Variants in IFT140 observed in about 807,000 individuals in gnomAD.
The protein encoded by IFT140 is intraflagellar transport protein 140 homolog.
A neutral mutation model predicts 164.6 loss-of-function variants in IFT140; 133 were observed. The ratio of observed to expected loss-of-function variants is 0.81; its 90% CI spans 0.70 to 0.93. IFT140 has a LOEUF of 0.93. Ranked by LOEUF, IFT140 falls within the 40% of genes least tolerant of loss-of-function variation. The pLI, the probability that IFT140 is intolerant of heterozygous loss-of-function variation, is 0.00. For synonymous variants in IFT140, 860 were observed against 817.3 expected, an observed-to-expected ratio of 1.05 and a Z score of -0.89; for missense variants, 2,045 against 1,972.3, an observed-to-expected ratio of 1.04 and a Z score of -0.70.
chr16:1,554,959 T>C (rs958205241), intron 19 of IFT140: 1 of 1,614,094 alleles, frequency 6.2e-7, no homozygotes, highest in Non-Finnish European at 8.5e-7. Flanking sequence ...GTGATTGTCA[T>C]CAGCCGCTCC....
chr16:1,552,254 G>C (rs1005508118), intron 19 of IFT140, among the ~76,000 whole-genome samples: 1 of 152,098 alleles, frequency 6.6e-6, no homozygotes, highest in African/African-American at 2.4e-5. Flanking sequence ...ACCTCCTCCC[G>C]CCCTCGAGGG....
intron 19 of IFT140, chr16:1,542,153 C>T: frequency 7.0e-7 from 1 of 1,425,100 alleles, no homozygotes; most frequent in Non-Finnish European, 9.2e-7. Flanking sequence ...GTCCTGAGGC[C>T]TTGGGTGGCC....
At chr16:1,586,644 C>T (rs2034899087) in intron 9 of IFT140, among the ~76,000 whole-genome samples, 1 of 152,248 alleles carries the variant, frequency 6.6e-6, no homozygotes, top group Admixed American at 6.5e-5. Flanking sequence ...CACACACACA[C>T]ACACACTTCC....
chr16:1,516,169 A>AC (rs2040336027), intron 30 of IFT140, among the ~76,000 whole-genome samples: 1 of 124,266 alleles, frequency 8.0e-6, no homozygotes, highest in Non-Finnish European at 1.7e-5. Flanking sequence ...AAAAAAAAAA[A>AC]AAAAAAAAAC....
In IFT140 at chr16:1,520,792, T is replaced by A. The variant is rs772423904; in HGVS notation, c.3470A>T (p.Gln1157Leu). 2 of 1,604,440 alleles carry A rather than the reference T, an allele frequency of 1.2e-6. No homozygotes were observed. The highest frequency in any genetic ancestry group is 1.1e-5 in the South Asian group (1 of 90,998). Residue 1157 changes from glutamine to leucine, a missense_variant, in exon 27 of 31, where the codon CAG (glutamine) becomes CTG (leucine). By Grantham distance (113) the Gln-to-Leu change is moderately radical (BLOSUM62 -2). Transcript: ENST00000426508. The part of the protein sequence containing the change: ...LAARKYQEAL[Q>L]LCLGQNMSIT... ...GCTCATGTTCTGCCCCAGGCACAGC[T>A]GCAGGGCTTCCTGATACTGCAAAGG...
chr16:1,555,271 G>A (rs1411227696), intron 19 of IFT140: 14 of 513,508 alleles, frequency 2.7e-5, no homozygotes, highest in Admixed American at 1.1e-4. Context: ...GCGGCTCCAC[G>A]ACCACACGCA....
chr16:1,600,400 C>T (rs1399637090), intron 4 of IFT140, among the ~76,000 whole-genome samples: 1 of 145,346 alleles, frequency 6.9e-6, no homozygotes, highest in Non-Finnish European at 1.5e-5. Flanking sequence ...ACTATTGTCC[C>T]ATGACCCTGC....
intron 24 of IFT140, 144 bp from the exon 25 acceptor site, chr16:1,524,100 G>A: frequency 9.5e-7 from 1 of 1,056,786 alleles, no homozygotes; most frequent in Non-Finnish European, 1.3e-6. Flanking sequence ...GTTTTAAGGA[G>A]CTGATGACTT....
intron 11 of IFT140, 125 bp from the exon 12 acceptor site, chr16:1,583,511 A>C: frequency 1.4e-6 from 1 of 699,326 alleles, no homozygotes; most frequent in Non-Finnish European, 2.5e-6. Context: ...TCATCCTACG[A>C]CTATGAGATC....
rs534052238 is a variant in IFT140 at position 1,564,119 on chromosome 16, C to G, written c.1945G>C (p.Val649Leu). The G allele has an allele frequency of 3.8e-6, 6 of 1,591,486 alleles. No homozygotes were observed. The highest frequency in any genetic ancestry group is 4.3e-6 in the Non-Finnish European group (5 of 1,163,012). The change falls in exon 17 of 31, where the codon GTG (valine) becomes CTG (leucine). Residue 649 changes from valine (V) to leucine (L), a missense_variant. Physicochemically the swap from Val to Leu is conservative, Grantham distance 32. Transcript: ENST00000426508. This position sits in a 1 kb window ranked among gnomAD's most constrained non-coding sequence, Gnocchi z 5.5. ...TCACTCTGGTCCCAGAAGTGGTTCA[C>G]GGGAACATAATTTTTCAGTCCCTCA... ...VDEGLKNYVP[V>L]NHFWDQSEPR...
chr16:1,539,955 A>G (rs2031471355), intron 19 of IFT140, among the ~76,000 whole-genome samples: 2 of 152,120 alleles, frequency 1.3e-5, no homozygotes, highest in African/African-American at 2.4e-5. Flanking sequence ...CCCAGGCCGG[A>G]GCGGGCACAG....
In IFT140 at chr16:1,520,209, G is replaced by C; in HGVS notation, c.3795C>G (p.Ile1265Met). The change falls in exon 28 of 31, where the codon ATC becomes ATG. Residue 1265 changes from isoleucine to methionine, a missense_variant. Transcript: ENST00000426508. ...QSLDWRKEPE[I>M]MKNIIGFYTK... ...TGTAGAAGCCGATGATGTTCTTCAT[G>C]ATCTCCGGCTCCTTCCGCCAGTCCA... 1 of 1,614,232 alleles carries C rather than the reference G, an allele frequency of 6.2e-7. No individual in the cohort carries two copies. The highest frequency in any genetic ancestry group is 8.5e-7 in the Non-Finnish European group (1 of 1,180,042).
In IFT140 at chr16:1,592,338, G is replaced by A. The variant is rs149012740; in HGVS notation, c.492-20C>T. 5.5e-4 allele frequency: 895 copies of A among 1,613,942 alleles called. 5 individuals carry two copies. In the African/African-American group the frequency reaches 8.6e-3, roughly 16 times the overall value. On this transcript the variant is annotated intron_variant, in intron 5 of 30. Transcript: ENST00000426508. ...AGGTCCCTGAAAGCAAACACGACAC[G>A]AAGCAAGATTCTTCTGCCACTCCTA...
intron 19 of IFT140, among the ~76,000 whole-genome samples, chr16:1,537,199 C>T (rs531707107): frequency 1.4e-4 from 21 of 151,480 alleles, no homozygotes; most frequent in Non-Finnish European, 2.5e-4. Flanking sequence ...GGGAAGACAA[C>T]GTCACACCGC....
Position 1,524,573 on chromosome 16 carries a change from C to G in IFT140, c.3120G>C (p.Lys1040Asn). 1 of 1,611,516 alleles carries G rather than the reference C, an allele frequency of 6.2e-7. No homozygotes were observed. Among genetic ancestry groups the G allele is most frequent in the South Asian group, 1.1e-5 (1 of 90,930 alleles). The change falls in exon 24 of 31, where the codon AAG (lysine) becomes AAC (asparagine). Residue 1040 changes from lysine to asparagine, a missense_variant. Transcript: ENST00000426508. ...GTACCTTGCACAGGCGGATGGCATTCTTGAAGGCCTGTGCCCGGGTGTAGA... is the reference window on the plus strand; with the variant it reads ...GTACCTTGCACAGGCGGATGGCATTGTTGAAGGCCTGTGCCCGGGTGTAGA... ...VHFYTRAQAF[K>N]NAIRLCKENG...
At chr16:1,528,387 GCA>G (rs565162063) in intron 19 of IFT140, among the ~76,000 whole-genome samples, 44 of 131,768 alleles carry the variant, frequency 3.3e-4, no homozygotes, top group South Asian at 9.7e-4. Context: ...ACGCACGTGT[GCA>G]CACACACGGA....
At chr16:1,609,025 C>A (rs1001513673) in intron 2 of IFT140, among the ~76,000 whole-genome samples, 3 of 152,012 alleles carry the variant, frequency 2.0e-5, no homozygotes, top group African/African-American at 4.8e-5. Flanking sequence ...TGTGGTGGTG[C>A]CTGCCTGTAA....
intron 4 of IFT140, among the ~76,000 whole-genome samples, chr16:1,600,826 G>C (rs188823227): frequency 3.3e-5 from 5 of 151,484 alleles, no homozygotes; most frequent in African/African-American, 1.2e-4. Flanking sequence ...GACAAACACA[G>C]CCAACTTGAG....
intron 13 of IFT140, 125 bp downstream of exon 13, chr16:1,580,634 G>A (rs755740678): frequency 3.1e-6 from 2 of 639,244 alleles, no homozygotes; most frequent in African/African-American, 1.8e-5. Flanking sequence ...GTCTCAGGTA[G>A]TTCTTTACAC....
Sources: allele counts gnomAD v4.1 joint callset (sites outside exome capture counted in the v4.1 genomes callset), GRCh38; gene constraint gnomAD v4.1.1; non-coding constraint Gnocchi (gnomAD v3.1); transcripts MANE v1.5; gene names NCBI Gene and HGNC (gene_info 2026-07-23, HGNC 2026-07-21).